Variants in GLIS3 observed in about 807,000 individuals in gnomAD.
The protein encoded by GLIS3 is GLIS family zinc finger 3, also known as zinc finger protein GLIS3.
A neutral mutation model predicts 78.6 loss-of-function variants in GLIS3; 53 were observed. The observed-to-expected ratio is 0.67, with a 90% CI of 0.54 to 0.85. GLIS3 has a LOEUF of 0.85. Ranked by LOEUF, GLIS3 falls within the 40% of genes least tolerant of loss-of-function variation. The pLI, the probability that GLIS3 is intolerant of heterozygous loss-of-function variation, is 0.00. For synonymous variants in GLIS3, 684 were observed against 509.9 expected (o/e 1.34, Z -4.60); for missense variants, 1,703 against 1,231.1 (o/e 1.38, Z -5.74).
At chr9:4,053,240 C>T (rs771950707) in intron 4 of GLIS3, among the ~76,000 whole-genome samples, 11 of 152,130 alleles carry the variant, frequency 7.2e-5, no homozygotes, top group South Asian at 2.1e-4. Context: ...TGAGCCACAG[C>T]GCCCAGCCTC....
At chr9:4,406,357 G>C in the GLIS3 span, among the ~76,000 whole-genome samples, 2 of 152,146 alleles carry the variant, frequency 1.3e-5, no homozygotes, top group African/African-American at 4.8e-5. Flanking sequence ...CTTGTCTCTT[G>C]TTGCCTGGGC....
chr9:4,171,480 G>T (rs1415541198), intron 2 of GLIS3, among the ~76,000 whole-genome samples: 1 of 152,158 alleles, frequency 6.6e-6, no homozygotes, highest in African/African-American at 2.4e-5. Context: ...AAGGAACACA[G>T]ATGGAATAAA....
chr9:4,293,955 T>C (rs1816250012), intron 1 of GLIS3, among the ~76,000 whole-genome samples: 1 of 152,244 alleles, frequency 6.6e-6, no homozygotes, highest in Admixed American at 6.5e-5. Flanking sequence ...ATTCAAGTTT[T>C]ACAAATTCCT....
the GLIS3 span, among the ~76,000 whole-genome samples, chr9:4,361,655 T>A: frequency 6.6e-6 from 1 of 152,264 alleles, no homozygotes; most frequent in Non-Finnish European, 1.5e-5. Flanking sequence ...ATTTCTACCC[T>A]AGCCAGTCCA....
intron 4 of GLIS3, among the ~76,000 whole-genome samples, chr9:3,985,531 G>C (rs991588477): frequency 2.6e-5 from 4 of 152,116 alleles, no homozygotes; most frequent in Non-Finnish European, 5.9e-5. Context: ...ATTGCTTCTT[G>C]GTACATGAAT....
rs1244627667 is a variant in GLIS3 at position 4,298,376 on chromosome 9, C to G, written c.-99+1045G>C. 2.0e-5 allele frequency: 9 copies of G among 456,302 alleles called. No homozygotes were observed. In the Admixed American group the frequency reaches 2.1e-4, roughly 11 times the overall value. 28.3% of individuals were successfully genotyped at this position (456,302 alleles called of 1,614,324 possible). ...AAACCCTTCCCCAAAGTTTCTCCCG[C>G]CAGGTACCTAATTGAATCATCCATA... On this transcript the variant is annotated intron_variant, in intron 1 of 10. Transcript: ENST00000381971.
chr9:3,879,529 T>A lies in GLIS3; in HGVS notation c.2195A>T (p.His732Leu). 1 of 1,614,068 alleles carries A rather than the reference T, an allele frequency of 6.2e-7. No homozygotes were observed. Among genetic ancestry groups the A allele is most frequent in the Non-Finnish European group, 8.5e-7 (1 of 1,179,992 alleles). ...TCCTGGAGAAGGGTGACTGACAGGA[T>A]GTGGGGGTGGTACGGCCCCAGCAGC... Reference protein sequence around the residue: ...GTAAGAVPPPHPVSHPSPGHN... With the variant: ...GTAAGAVPPPLPVSHPSPGHN... Residue 732 changes from histidine to leucine, a missense_variant, in exon 8 of 11, where the codon CAT (histidine) becomes CTT (leucine). Physicochemically the swap from His to Leu is moderately conservative, Grantham distance 99 (BLOSUM62 -3). Coordinates refer to ENST00000381971, the MANE Select transcript of GLIS3 (RefSeq NM_001042413.2).
intron 6 of GLIS3, among the ~76,000 whole-genome samples, chr9:3,918,431 A>G (rs1824661342): frequency 6.6e-6 from 1 of 152,198 alleles, no homozygotes; most frequent in Non-Finnish European, 1.5e-5. Flanking sequence ...GCTTATGTCT[A>G]TTATAAAAGA....
chr9:3,976,896 C>T (rs1242308484), intron 4 of GLIS3, among the ~76,000 whole-genome samples: 1 of 121,624 alleles, frequency 8.2e-6, no homozygotes, highest in African/African-American at 3.1e-5. Flanking sequence ...TCTGACAAGA[C>T]AGAAAGGTAT....
chr9:3,995,391 C>T (rs1472119223), intron 4 of GLIS3, among the ~76,000 whole-genome samples: 2 of 151,990 alleles, frequency 1.3e-5, no homozygotes, highest in Non-Finnish European at 2.9e-5. Context: ...CAAGGAATTT[C>T]CAAAGATAAG....
chr9:4,014,575 C>G (rs1235228417), intron 4 of GLIS3, among the ~76,000 whole-genome samples: 1 of 152,102 alleles, frequency 6.6e-6, no homozygotes, highest in Admixed American at 6.5e-5. Flanking sequence ...GAATTGCCAG[C>G]AATGATTAGA....
chr9:4,265,250 C>T (rs1027308569), intron 2 of GLIS3, among the ~76,000 whole-genome samples: 4 of 151,772 alleles, frequency 2.6e-5, no homozygotes, highest in African/African-American at 9.7e-5. Context: ...AGGAAAAGAT[C>T]TGGTTTACCA....
intron 2 of GLIS3, among the ~76,000 whole-genome samples, chr9:4,165,012 T>A (rs1475747794): frequency 6.6e-6 from 1 of 152,226 alleles, no homozygotes; most frequent in Non-Finnish European, 1.5e-5. Context: ...TACACTGGGT[T>A]ACTGGGACTT....
intron 2 of GLIS3, among the ~76,000 whole-genome samples, chr9:4,338,367 TACACAC>T (rs556724177): frequency 3.0e-5 from 4 of 131,618 alleles, no homozygotes; most frequent in East Asian, 2.2e-4. Flanking sequence ...TATATGTGTG[TACACAC>T]ACACACACAC....
intron 4 of GLIS3, among the ~76,000 whole-genome samples, chr9:4,075,494 T>C (rs1458811228): frequency 1.3e-5 from 2 of 150,918 alleles, no homozygotes; most frequent in Non-Finnish European, 2.9e-5. Flanking sequence ...AAGAATGGTG[T>C]GAACCCAGGA....
intron 4 of GLIS3, among the ~76,000 whole-genome samples, chr9:4,001,952 T>C (rs145768990): frequency 1.0e-3 from 158 of 152,338 alleles, no homozygotes; most frequent in Middle Eastern, 6.8e-3. Flanking sequence ...CCCACTGTGA[T>C]ACTATAAACA....
intron 2 of GLIS3, among the ~76,000 whole-genome samples, chr9:4,190,944 G>C (rs534365853): frequency 1.3e-5 from 2 of 152,150 alleles, no homozygotes; most frequent in South Asian, 2.1e-4. Context: ...AGCTTCATAA[G>C]TGAAGGAGAA....
chr9:4,372,529 A>T, the GLIS3 span, among the ~76,000 whole-genome samples: 1 of 143,924 alleles, frequency 6.9e-6, no homozygotes, highest in African/African-American at 2.6e-5. Context: ...AGGAGGCAAT[A>T]CTCCTCTGCA....
intron 9 of GLIS3, among the ~76,000 whole-genome samples, chr9:3,853,767 C>T (rs1263248751): frequency 7.2e-5 from 11 of 152,202 alleles, no homozygotes; most frequent in African/African-American, 2.4e-4. Flanking sequence ...CACCCATTAT[C>T]CTACCATCCT....
Sources: allele counts gnomAD v4.1 joint callset (sites outside exome capture counted in the v4.1 genomes callset), GRCh38; gene constraint gnomAD v4.1.1; transcripts MANE v1.5; gene names NCBI Gene and HGNC (gene_info 2026-07-23, HGNC 2026-07-21).